Variants in ZNF283 observed in about 807,000 individuals in gnomAD.
ZNF283 encodes zinc finger protein 41.
In ZNF283, 10 loss-of-function variants were observed where a neutral mutation model predicts 9.2. The ratio of observed to expected loss-of-function variants is 1.09; its 90% confidence interval spans 0.67 to 1.85. The LOEUF (loss-of-function observed/expected upper bound fraction) is 1.85, where lower values mean the gene tolerates loss of function less well. Among genes scored for constraint, ZNF283 ranks in the 40% most tolerant of loss-of-function variants. The pLI is 0.00. For missense variants in ZNF283, 631 were observed against 760.1 expected (o/e 0.83, Z 2.00); for synonymous variants, 234 against 244.1 (o/e 0.96, Z 0.38).
chr19:43,840,499 G>A (rs1239370030), intron 6 of ZNF283, among the ~76,000 whole-genome samples: 1 of 152,170 alleles, frequency 6.6e-6, no homozygotes, highest in African/African-American at 2.4e-5. Flanking sequence ...TTGGTACACA[G>A]CATTCCAGGC....
At chr19:43,834,251 A>T (rs2146540958) in intron 4 of ZNF283, among the ~76,000 whole-genome samples, 1 of 152,320 alleles carries the variant, frequency 6.6e-6, no homozygotes, top group African/African-American at 2.4e-5. Flanking sequence ...TCAAAACCTC[A>T]TTAATGGAAG....
At chr19:43,843,763 A>C (rs1971304256) in intron 6 of ZNF283, among the ~76,000 whole-genome samples, 4 of 152,212 alleles carry the variant, frequency 2.6e-5, no homozygotes, top group Admixed American at 2.6e-4. Flanking sequence ...GTGCAATGTA[A>C]CATAGTATGA....
chr19:43,848,512 T>C lies in ZNF283; in HGVS notation c.1911T>C (p.Thr637=), dbSNP rs1971517067. ...YQRKEFGKTF[T]CGSKLVHERT... ...GTAAGGAATTCGGGAAGACCTTTAC[T>C]TGTGGCTCAAAACTTGTTCATGAGA... The change falls in exon 7 of 7, where the codon ACT becomes ACC. Residue 637 remains threonine, a synonymous_variant. Coordinates refer to ENST00000618787, the MANE Select transcript of ZNF283 (RefSeq NM_181845.2). 1.9e-6 allele frequency: 3 copies of C among 1,613,452 alleles called. No individual in the cohort carries two copies. The highest frequency in any genetic ancestry group is 2.5e-6 in the Non-Finnish European group (3 of 1,179,494).
rs776050473 is a variant in ZNF283, at chr19:43,847,809, A to G, written c.1208A>G (p.Tyr403Cys). The G allele has an allele frequency of 6.2e-7, 1 of 1,613,970 alleles. No homozygotes were observed. ...ATATTTCATACTGGTGAGAAACCCT[A>G]TGAATGCAAGGAATGTGGGAAGGCT... Reference protein sequence around the residue: ...HQIFHTGEKPYECKECGKAFN... With the variant: ...HQIFHTGEKPCECKECGKAFN... The change falls in exon 7 of 7, where the codon TAT becomes TGT. Residue 403 changes from tyrosine (Y) to cysteine (C), a missense_variant. By Grantham distance (194) the Tyr-to-Cys change is radical. Around this residue, in one of 3 missense-constraint regions of ZNF283, gnomAD observed 444 missense variants for 522.5 expected, o/e 0.85. Coordinates refer to ENST00000618787, the MANE Select transcript of ZNF283 (RefSeq NM_181845.2).
intron 6 of ZNF283, among the ~76,000 whole-genome samples, chr19:43,839,941 T>C (rs758147764): frequency 6.6e-6 from 1 of 152,206 alleles, no homozygotes; most frequent in Non-Finnish European, 1.5e-5. Flanking sequence ...TTTTTTCCTT[T>C]GAACGGGCCC....
In ZNF283 at chr19:43,847,907, T is replaced by C. The variant is rs1389573182; in HGVS notation, c.1306T>C (p.Cys436Arg). The C allele has an allele frequency of 2.5e-6, 4 of 1,613,436 alleles. No individual in the cohort carries two copies. In the African/African-American group the frequency reaches 4.0e-5, roughly 16 times the overall value. The change falls in exon 7 of 7, where the codon TGT (cysteine) becomes CGT (arginine). Residue 436 changes from cysteine (C) to arginine (R), a missense_variant. Physicochemically the swap from Cys to Arg is radical, Grantham distance 180. Transcript: ENST00000618787. ...TGEKPYECKE[C>R]GKAFSRGYHL... is the part of the protein sequence containing the mutation. ...TGAGAAACCTTATGAATGTAAAGAA[T>C]GTGGAAAGGCCTTTAGTCGTGGCTA...
At chr19:43,837,290 C>T (rs1971023035) in intron 6 of ZNF283, 111 bp downstream of exon 6, 7 of 1,156,120 alleles carry the variant, frequency 6.1e-6, no homozygotes, top group Non-Finnish European at 8.4e-6. Flanking sequence ...TCTTCTCCCC[C>T]TTCCCAAGGG....
intron 6 of ZNF283, among the ~76,000 whole-genome samples, chr19:43,842,162 C>A (rs1971238444): frequency 2.0e-5 from 3 of 152,136 alleles, no homozygotes; most frequent in East Asian, 3.8e-4. Flanking sequence ...GGAGGTGCAA[C>A]CCCCAGTCTT....
chr19:43,834,888 C>G (rs1970894683), intron 4 of ZNF283, among the ~76,000 whole-genome samples: 3 of 152,206 alleles, frequency 2.0e-5, no homozygotes, highest in Non-Finnish European at 4.4e-5. Flanking sequence ...GCCACCTCAC[C>G]TGGCCTGTTT....
intron 6 of ZNF283, among the ~76,000 whole-genome samples, chr19:43,839,437 T>A (rs865798995): frequency 6.6e-6 from 1 of 152,234 alleles, no homozygotes; most frequent in South Asian, 2.1e-4. Flanking sequence ...CTCTTTATCA[T>A]GTCTGAAGTT....
chr19:43,847,929 G>C lies in ZNF283; in HGVS notation c.1328G>C (p.Gly443Ala). 6.2e-7 allele frequency: 1 copy of C among 1,613,772 alleles called. No individual in the cohort carries two copies. The highest frequency in any genetic ancestry group is 8.5e-7 in the Non-Finnish European group (1 of 1,179,888). The change falls in exon 7 of 7, where the codon GGC becomes GCC. Residue 443 changes from glycine to alanine, a missense_variant. By Grantham distance (60) the Gly-to-Ala change is moderately conservative. This residue lies in a region of ZNF283 where 444 missense variants were observed against 522.5 expected (regional missense o/e 0.85). Transcript: ENST00000618787. ...GAATGTGGAAAGGCCTTTAGTCGTGGCTATCACCTTTCTCAACATCAGAAA... is the reference window on the plus strand; with the variant it reads ...GAATGTGGAAAGGCCTTTAGTCGTGCCTATCACCTTTCTCAACATCAGAAA... ...CKECGKAFSR[G>A]YHLSQHQKIH...
rs115541142 is a variant in ZNF283, at chr19:43,847,843, C to T, written c.1242C>T (p.Cys414=). ...ECKECGKAFN[C]GSSLIQHERI... ...AGGAATGTGGGAAGGCTTTTAATTG[C>T]GGATCAAGTCTTATTCAACATGAAA... The change falls in exon 7 of 7, where the codon TGC becomes TGT. Residue 414 remains cysteine (C), a synonymous_variant. Transcript: ENST00000618787. 5,651 of 1,589,022 alleles carry T rather than the reference C, an allele frequency of 3.6e-3. 170 individuals carry two copies. In the African/African-American group the frequency reaches 0.071, roughly 20 times the overall value.
At chr19:43,844,560 T>C (rs1459906930) in intron 6 of ZNF283, among the ~76,000 whole-genome samples, 2 of 152,192 alleles carry the variant, frequency 1.3e-5, no homozygotes, top group African/African-American at 4.8e-5. Context: ...TACACCCAAA[T>C]GTTAATGCAT....
intron 6 of ZNF283, among the ~76,000 whole-genome samples, chr19:43,840,171 C>T (rs1971142561): frequency 6.6e-6 from 1 of 152,132 alleles, no homozygotes; most frequent in South Asian, 2.1e-4. Flanking sequence ...GTTCCATCAT[C>T]TCTACAGTCA....
Position 43,848,236 on chromosome 19 carries a change from T to C in ZNF283, c.1635T>C (p.Cys545=), listed in dbSNP as rs772285282. 6.2e-7 allele frequency: 1 copy of C among 1,613,754 alleles called. No homozygotes were observed. Among genetic ancestry groups the C allele is most frequent in the Admixed American group, 1.7e-5 (1 of 59,980 alleles). Residue 545 remains cysteine, a synonymous_variant, in exon 7 of 7, where the codon TGT becomes TGC. Transcript: ENST00000618787. ...RIHTGEKPYE[C]KECGKAFSRG... ...ATACAGGGGAGAAACCCTATGAATG[T>C]AAAGAATGTGGGAAGGCTTTTAGTC...
Position 43,835,594 on chromosome 19 carries a change from T to A in ZNF283, c.210+2T>A, listed in dbSNP as rs1811539587. ...TGCAATTCCAGAACCATGACTGATG[T>A]AAGTTGGTATTTTTCTCTCCATGAA... On this transcript the variant is annotated splice_donor_variant, in intron 5 of 6. Transcript: ENST00000618787. LOFTEE classifies it high-confidence loss of function. The A allele has an allele frequency of 6.3e-7, 1 of 1,592,344 alleles. No homozygotes were observed. Among genetic ancestry groups the A allele is most frequent in the African/African-American group, 1.3e-5 (1 of 74,656 alleles).
intron 2 of ZNF283, among the ~76,000 whole-genome samples, chr19:43,830,330 G>C (rs934630729): frequency 6.6e-6 from 1 of 152,004 alleles, no homozygotes; most frequent in Non-Finnish European, 1.5e-5. Flanking sequence ...TGCCTGCCTC[G>C]GGCTCCTCAA....
intron 6 of ZNF283, among the ~76,000 whole-genome samples, chr19:43,839,098 A>C (rs1311194350): frequency 1.3e-5 from 2 of 151,934 alleles, no homozygotes; most frequent in Non-Finnish European, 2.9e-5. Flanking sequence ...AGTCTGAAAC[A>C]CTCTTGTCTA....
chr19:43,840,060 C>T (rs1320041957), intron 6 of ZNF283, among the ~76,000 whole-genome samples: 2 of 152,106 alleles, frequency 1.3e-5, no homozygotes, highest in Admixed American at 6.5e-5. Context: ...ATTCCTCAGG[C>T]ATAGCTGATT....
Sources: gnomAD v4.1 joint callset for allele counts (sites outside exome capture counted in the v4.1 genomes callset) on GRCh38, gnomAD v4.1.1 for gene constraint, gnomAD v4.1.1 regional missense constraint, MANE v1.5 for transcripts, NCBI Gene and HGNC (gene_info 2026-07-23, HGNC 2026-07-21) for gene names.